PRKCE: variants seen among roughly 807,000 people sequenced by gnomAD.
PRKCE encodes protein kinase C epsilon, also known as protein kinase C epsilon type.
In PRKCE, 16 loss-of-function variants were observed where a neutral mutation model predicts 85.4. The observed-to-expected ratio is 0.19, with a 90% CI of 0.13 to 0.28. PRKCE has a LOEUF of 0.28. PRKCE is among the 10% of genes least tolerant of loss of function. The pLI, the probability that PRKCE is intolerant of heterozygous loss-of-function variation, is 1.00. For missense variants in PRKCE, 573 were observed against 975.2 expected, an observed-to-expected ratio of 0.59 and a Z score of 5.49; for synonymous variants, 388 against 371.5, an observed-to-expected ratio of 1.04 and a Z score of -0.51.
Position 45,668,194 on chromosome 2 carries a change from A to C in PRKCE, c.348+15746A>C, listed in dbSNP as rs1264101836. Among the ~76,000 whole-genome samples, 13 of 152,110 alleles carry C rather than the reference A, an allele frequency of 8.5e-5. No homozygotes were observed. In the East Asian group the frequency reaches 2.3e-3, roughly 27 times the overall value. On this transcript the variant is annotated intron_variant, in intron 1 of 14. Coordinates refer to ENST00000306156, the MANE Select transcript of PRKCE (RefSeq NM_005400.3). ...CGTCTGTACTAAAAATACAAAAATT[A>C]GCCGGGGATGGTGGTGAGCGCCTGT...
intron 2 of PRKCE, among the ~76,000 whole-genome samples, chr2:45,931,689 G>A (rs1259212492): frequency 1.3e-5 from 2 of 152,118 alleles, no homozygotes; most frequent in African/African-American, 4.8e-5. Flanking sequence ...AAAATGCATG[G>A]CTAGTGAGTA....
chr2:45,734,974 T>C (rs554599711), intron 1 of PRKCE, among the ~76,000 whole-genome samples: 33 of 152,380 alleles, frequency 2.2e-4, no homozygotes, highest in African/African-American at 7.5e-4. Context: ...GCAGCCCACC[T>C]GTTCCCTCTG....
chr2:45,743,272 A>G (rs1441632700), intron 1 of PRKCE, among the ~76,000 whole-genome samples: 1 of 152,248 alleles, frequency 6.6e-6, no homozygotes, highest in East Asian at 1.9e-4. Context: ...TATACTCACC[A>G]TACAAAAAAG....
chr2:46,010,974 CATAGTGAA>C (rs1156951888), intron 10 of PRKCE: 2 of 1,377,714 alleles, frequency 1.5e-6, no homozygotes, highest in African/African-American at 2.9e-5. Flanking sequence ...CTTAAAATTT[CATAGTGAA>C]ACACAAATAT....
chr2:45,854,185 G>C (rs1451907841), intron 2 of PRKCE, among the ~76,000 whole-genome samples: 2 of 152,234 alleles, frequency 1.3e-5, no homozygotes, highest in Admixed American at 1.3e-4. Context: ...GCCCGGTGCA[G>C]TGTGGCTCCC....
intron 1 of PRKCE, among the ~76,000 whole-genome samples, chr2:45,654,740 G>C (rs1014790642): frequency 6.6e-6 from 1 of 152,222 alleles, no homozygotes. Context: ...CAGTGGAGCA[G>C]GTTCAGAATG....
At chr2:45,858,186 C>G (rs1947195) in intron 2 of PRKCE, among the ~76,000 whole-genome samples, 3 of 152,132 alleles carry the variant, frequency 2.0e-5, no homozygotes, top group Non-Finnish European at 2.9e-5. Context: ...CTGCCTGTAA[C>G]GATGGCCCTT....
chr2:46,101,054 G>C (rs979379467), intron 11 of PRKCE, among the ~76,000 whole-genome samples: 5 of 152,090 alleles, frequency 3.3e-5, no homozygotes, highest in African/African-American at 1.2e-4. Context: ...ATTTTTAGTA[G>C]AAATGGGGTT....
At chr2:45,896,962 T>C (rs898694564) in intron 2 of PRKCE, among the ~76,000 whole-genome samples, 1 of 152,066 alleles carries the variant, frequency 6.6e-6, no homozygotes, top group Non-Finnish European at 1.5e-5. Context: ...CCTGTAGTCC[T>C]AGCTACTTGG....
Position 46,004,716 on chromosome 2 carries a change from C to T in PRKCE, c.1063+78C>T, listed in dbSNP as rs1017055485. 3.3e-6 allele frequency: 4 copies of T among 1,230,634 alleles called. No homozygotes were observed. The allele number at this position is 1,230,634 out of a possible 1,614,324, so 76.2% of individuals were successfully genotyped here. On this transcript the variant is annotated intron_variant, in intron 8 of 14. Transcript: ENST00000306156. The surrounding 1 kb of genome is among the most constrained non-coding windows in gnomAD (Gnocchi z 4.1). ...CAAGGAGCTCTGAGGCCTCTTTAAC[C>T]AAGAGTGAGCTTGTTAGCTGAAATA...
At chr2:45,926,562 G>A (rs2103992058) in intron 2 of PRKCE, among the ~76,000 whole-genome samples, 1 of 152,316 alleles carries the variant, frequency 6.6e-6, no homozygotes, top group African/African-American at 2.4e-5. Context: ...TGATCCTAAA[G>A]CAAAACTGTG....
At chr2:46,009,293 CT>C (rs941142651) in intron 9 of PRKCE, among the ~76,000 whole-genome samples, 2 of 152,042 alleles carry the variant, frequency 1.3e-5, no homozygotes, top group Non-Finnish European at 2.9e-5. Flanking sequence ...CTTAGAAAAC[CT>C]TTTACAGAAA....
intron 1 of PRKCE, among the ~76,000 whole-genome samples, chr2:45,824,420 G>T (rs532128104): frequency 1.3e-5 from 2 of 152,250 alleles, no homozygotes; most frequent in African/African-American, 4.8e-5. Context: ...AGCAGCTCGG[G>T]GAGTCTCTTA....
At chr2:45,709,311 T>C (rs1046078728) in intron 1 of PRKCE, among the ~76,000 whole-genome samples, 2 of 152,232 alleles carry the variant, frequency 1.3e-5, no homozygotes, top group African/African-American at 4.8e-5. Context: ...TGCACTGGGT[T>C]CTCAGCCTTC....
intron 13 of PRKCE, among the ~76,000 whole-genome samples, chr2:46,151,930 G>A (rs993809423): frequency 5.9e-5 from 9 of 152,204 alleles, no homozygotes; most frequent in African/African-American, 2.2e-4. Flanking sequence ...TGAAAGCTGA[G>A]GTACAGGGAA....
At chr2:46,064,962 T>G (rs1054718086) in intron 10 of PRKCE, among the ~76,000 whole-genome samples, 7 of 152,218 alleles carry the variant, frequency 4.6e-5, no homozygotes, top group Admixed American at 1.3e-4. Context: ...GCTCCCCATT[T>G]TCAACTAGAA....
chr2:45,759,982 G>A (rs1684326633), intron 1 of PRKCE, among the ~76,000 whole-genome samples: 1 of 152,204 alleles, frequency 6.6e-6, no homozygotes, highest in Non-Finnish European at 1.5e-5. Flanking sequence ...CTTAGCTTAG[G>A]TCCCAGTTAG....
rs1697091369 is a variant in PRKCE, at chr2:45,907,756, T to C, written c.412+64693T>C. On this transcript the variant is annotated intron_variant, in intron 2 of 14. Transcript: ENST00000306156. The surrounding 1 kb of genome is among the most constrained non-coding windows in gnomAD (Gnocchi z 4.5). ...GTACCTGAGGGCGTGACTGAGCCAA[T>C]GGCCACCTCTGGGTCTCTGCTGCCT... Among the ~76,000 whole-genome samples the C allele has an allele frequency of 6.6e-6, 1 of 152,210 alleles. No individual in the cohort carries two copies. Among genetic ancestry groups the C allele is most frequent in the African/African-American group, 2.4e-5 (1 of 41,460 alleles).
chr2:45,712,625 C>G (rs187065577), intron 1 of PRKCE, among the ~76,000 whole-genome samples: 1 of 152,310 alleles, frequency 6.6e-6, no homozygotes, highest in Non-Finnish European at 1.5e-5. Context: ...GTTGCATTCC[C>G]TCTATGATCT....
Sources: allele counts gnomAD v4.1 joint callset (sites outside exome capture counted in the v4.1 genomes callset), GRCh38; gene constraint gnomAD v4.1.1; non-coding constraint Gnocchi (gnomAD v3.1); transcripts MANE v1.5; gene names NCBI Gene and HGNC (gene_info 2026-07-23, HGNC 2026-07-21).